Variants in RAB6A observed in about 807,000 individuals in gnomAD.
The protein encoded by RAB6A is ras-related protein Rab-6A.
In RAB6A, 8 loss-of-function variants were observed where a neutral mutation model predicts 32.3. The observed-to-expected ratio is 0.25, with a 90% confidence interval of 0.15 to 0.45. The LOEUF is 0.45. Among genes scored for constraint, RAB6A ranks in the 20% least tolerant of loss-of-function variants. The probability of loss-of-function intolerance (pLI) is 1.00; values close to 1 mark genes in which losing one functional copy is unlikely to be tolerated. For missense variants in RAB6A, 104 were observed against 249.4 expected, an observed-to-expected ratio of 0.42 and a Z score of 3.93; for synonymous variants, 73 against 82.1, an observed-to-expected ratio of 0.89 and a Z score of 0.60.
chr11:73,696,666 C>T (rs1300707966), intron 6 of RAB6A, among the ~76,000 whole-genome samples: 1 of 152,036 alleles, frequency 6.6e-6, no homozygotes, highest in Non-Finnish European at 1.5e-5. Flanking sequence ...GTCTCCCATG[C>T]ATGATCATGG....
intron 1 of RAB6A, among the ~76,000 whole-genome samples, chr11:73,757,457 C>A (rs914214732): frequency 8.6e-5 from 13 of 151,946 alleles, no homozygotes; most frequent in African/African-American, 2.9e-4. Flanking sequence ...CAGGCATGAA[C>A]CACCGCACCC....
intron 6 of RAB6A, among the ~76,000 whole-genome samples, chr11:73,691,171 T>TC (rs1945554306): frequency 6.6e-6 from 1 of 151,958 alleles, no homozygotes; most frequent in African/African-American, 2.4e-5. Flanking sequence ...GCCCTGAACT[T>TC]CTCTTTTTTC....
intron 6 of RAB6A, among the ~76,000 whole-genome samples, chr11:73,689,322 C>T (rs1306224325): frequency 6.6e-6 from 1 of 152,150 alleles, no homozygotes; most frequent in Non-Finnish European, 1.5e-5. Flanking sequence ...GAGTGTGCAA[C>T]CTAGATCCCT....
intron 1 of RAB6A, among the ~76,000 whole-genome samples, chr11:73,739,160 G>A (rs530210787): frequency 6.9e-6 from 1 of 145,902 alleles, no homozygotes; most frequent in African/African-American, 2.5e-5. Context: ...CACAAGAATC[G>A]CTTGAACCTG....
At chr11:73,759,949 C>CGGAGTGTAGA in intron 1 of RAB6A, 1 of 1,133,632 alleles carries the variant, frequency 8.8e-7, no homozygotes, top group Non-Finnish European at 1.2e-6. Context: ...CCACCCCATG[C>CGGAGTGTAGA]TCAAGTCGTC....
intron 6 of RAB6A, among the ~76,000 whole-genome samples, chr11:73,683,044 A>C (rs1038128243): frequency 1.3e-5 from 2 of 152,194 alleles, no homozygotes; most frequent in African/African-American, 4.8e-5. Context: ...ATAGAAATTG[A>C]GTCAAAAGTG....
chr11:73,708,937 A>G (rs376007257), intron 5 of RAB6A, among the ~76,000 whole-genome samples: 3 of 152,308 alleles, frequency 2.0e-5, no homozygotes, highest in East Asian at 1.9e-4. Flanking sequence ...CCACTCCCTA[A>G]AAACAAGAAC....
chr11:73,734,553 T>C (rs933189277), intron 1 of RAB6A, among the ~76,000 whole-genome samples: 2 of 152,044 alleles, frequency 1.3e-5, no homozygotes, highest in African/African-American at 4.8e-5. Flanking sequence ...TCTGTGGGAG[T>C]TGGGGAGGAG....
At chr11:73,693,183 T>C (rs988651948) in intron 6 of RAB6A, among the ~76,000 whole-genome samples, 1 of 151,672 alleles carries the variant, frequency 6.6e-6, no homozygotes, top group Non-Finnish European at 1.5e-5. Context: ...AGCTACTCAG[T>C]AGGCTCAAGC....
intron 6 of RAB6A, among the ~76,000 whole-genome samples, chr11:73,684,029 C>G (rs1945400752): frequency 6.6e-6 from 1 of 152,200 alleles, no homozygotes; most frequent in Non-Finnish European, 1.5e-5. Context: ...AACTACTACC[C>G]TCATCGGTCA....
intron 6 of RAB6A, among the ~76,000 whole-genome samples, chr11:73,702,071 C>T (rs1945754345): frequency 6.6e-6 from 1 of 152,228 alleles, no homozygotes; most frequent in Non-Finnish European, 1.5e-5. Flanking sequence ...AACTAATCAG[C>T]AAAGCGAACA....
intron 5 of RAB6A, among the ~76,000 whole-genome samples, chr11:73,710,258 G>A (rs946550608): frequency 8.0e-5 from 12 of 150,036 alleles, no homozygotes; most frequent in African/African-American, 1.7e-4. Flanking sequence ...GAGCCACCGC[G>A]CCCGGCCCCC....
chr11:73,728,670 A>G (rs936044756), intron 2 of RAB6A, among the ~76,000 whole-genome samples: 1 of 141,190 alleles, frequency 7.1e-6, no homozygotes, highest in Non-Finnish European at 1.6e-5. Context: ...ATAATAGTGT[A>G]TATCTTTTTT....
At chr11:73,702,737 A>G (rs906067146) in intron 6 of RAB6A, among the ~76,000 whole-genome samples, 1 of 152,234 alleles carries the variant, frequency 6.6e-6, no homozygotes, top group Non-Finnish European at 1.5e-5. Context: ...ACATATTTCC[A>G]TATCTTCATT....
chr11:73,680,191 A>G (rs563524192), intron 6 of RAB6A, among the ~76,000 whole-genome samples: 2 of 152,378 alleles, frequency 1.3e-5, no homozygotes, highest in South Asian at 4.1e-4. Flanking sequence ...ACAAAGAGGT[A>G]TAAAGACATG....
intron 1 of RAB6A, among the ~76,000 whole-genome samples, chr11:73,748,864 C>A (rs1397814101): frequency 6.6e-6 from 1 of 152,078 alleles, no homozygotes; most frequent in Non-Finnish European, 1.5e-5. Flanking sequence ...GTGGCTTACA[C>A]CTGTAATTCC....
chr11:73,735,937 A>AAAAAG (rs56012322), intron 1 of RAB6A, among the ~76,000 whole-genome samples: 52,745 of 121,114 alleles, frequency 0.44, 13,388 homozygotes, highest in Non-Finnish European at 0.55. Flanking sequence ...AAAAAAAAAA[A>AAAAAG]AGAGAGAGAG....
chr11:73,734,270 C>A (rs113636751), intron 1 of RAB6A, among the ~76,000 whole-genome samples: 1 of 152,080 alleles, frequency 6.6e-6, no homozygotes, highest in Non-Finnish European at 1.5e-5. Flanking sequence ...AGATTACAGG[C>A]GCCCGCCACC....
At position 73,730,794 on chromosome 11, in the gene RAB6A, T is replaced by C; in HGVS notation, c.100A>G (p.Met34Val). The C allele has an allele frequency of 6.2e-7, 1 of 1,600,618 alleles. No homozygotes were observed. Among genetic ancestry groups the C allele is most frequent in the Non-Finnish European group, 8.5e-7 (1 of 1,176,432 alleles). The change falls in exon 2 of 8, where the codon ATG (methionine) becomes GTG (valine). Residue 34 changes from methionine to valine, a missense_variant. Met to Val is a conservative substitution (Grantham distance 21, BLOSUM62 1). Coordinates refer to ENST00000336083, the MANE Select transcript of RAB6A (RefSeq NM_198896.2). ...TAGGTGTTGTCAAAACTGTCATACA[T>C]GAATCTGGTGATCAAAGATGTCTTT... ...VGKTSLITRF[M>V]YDSFDNTYQA...
Sources: allele counts gnomAD v4.1 joint callset (sites outside exome capture counted in the v4.1 genomes callset), GRCh38; gene constraint gnomAD v4.1.1; transcripts MANE v1.5; gene names NCBI Gene and HGNC (gene_info 2026-07-23, HGNC 2026-07-21).